The following CSMD1 variants were observed in gnomAD, a reference collection of about 807,000 sequenced individuals.
CSMD1 encodes the protein CUB and sushi domain-containing protein 1.
Under a neutral mutation model 417.5 loss-of-function variants are expected in CSMD1, and 213 were observed. The observed-to-expected ratio is 0.51, with a 90% CI of 0.46 to 0.57. CSMD1 has a LOEUF of 0.57. Ranked by LOEUF, CSMD1 falls within the 20% of genes least tolerant of loss-of-function variation. The pLI is 0.00. For missense variants in CSMD1, 6,923 were observed against 4,529.7 expected (o/e 1.53, Z -15.17); for synonymous variants, 2,862 against 1,736.8 (o/e 1.65, Z -16.11).
chr8:3,618,194 T>G (rs111493862), intron 7 of CSMD1, among the ~76,000 whole-genome samples: 25 of 152,218 alleles, frequency 1.6e-4, no homozygotes, highest in African/African-American at 5.8e-4. Flanking sequence ...TTTCTAGAGA[T>G]GGAGTCTCAC....
At chr8:3,800,080 G>A (rs185146341) in intron 5 of CSMD1, among the ~76,000 whole-genome samples, 3 of 152,236 alleles carry the variant, frequency 2.0e-5, no homozygotes, top group African/African-American at 7.2e-5. Flanking sequence ...TGCAGTTGAT[G>A]CTACAGGCTT....
In CSMD1 at chr8:3,889,551, ATG is replaced by A. The variant is rs547131931; in HGVS notation, c.818+108350_818+108351del. Among the ~76,000 whole-genome samples the A allele has an allele frequency of 2.4e-3, 207 of 86,380 alleles. 4 individuals carry two copies. Among genetic ancestry groups the A allele is most frequent in the African/African-American group, 6.0e-3 (194 of 32,152 alleles). 56.7% of individuals were successfully genotyped at this position (86,380 alleles called of 152,430 possible). On this transcript the variant is annotated intron_variant, in intron 5 of 69. Transcript: ENST00000635120. ...TATATACATACACACATATGTGTATATGTGTGTCTGTGTGTGTGTATGTGTAT... is the reference window on the plus strand; with the variant it reads ...TATATACATACACACATATGTGTATATGTGTCTGTGTGTGTGTATGTGTAT...
Position 3,932,045 on chromosome 8 carries a change from A to G in CSMD1, c.818+65858T>C, listed in dbSNP as rs1019280529. Reference sequence around the variant, plus strand: ...ATTTTGTGACTTCAGTTCTAATTTCATCAGAGAGTAGGATTCAATATAAAC... The same window carrying G: ...ATTTTGTGACTTCAGTTCTAATTTCGTCAGAGAGTAGGATTCAATATAAAC... On this transcript the variant is annotated intron_variant, in intron 5 of 69. Transcript: ENST00000635120. 4.0e-5 allele frequency among the ~76,000 whole-genome samples: 6 copies of G among 150,532 alleles called. 2 individuals carry two copies. Among genetic ancestry groups the G allele is most frequent in the Non-Finnish European group, 8.9e-5 (6 of 67,540 alleles).
chr8:4,826,879 G>C (rs1315704925), intron 1 of CSMD1, among the ~76,000 whole-genome samples: 2 of 149,302 alleles, frequency 1.3e-5, no homozygotes, highest in Non-Finnish European at 3.0e-5. Context: ...ACTAGATTTA[G>C]AGTGATTATT....
chr8:4,732,759 A>C (rs1211570921), intron 1 of CSMD1, among the ~76,000 whole-genome samples: 4 of 152,170 alleles, frequency 2.6e-5, no homozygotes, highest in Non-Finnish European at 5.9e-5. Flanking sequence ...CTAAGCAGGC[A>C]TTTTATAGCT....
rs970704693 is a variant in CSMD1, at chr8:4,033,720, T to C, written c.416-1621A>G. ...AAATATTTTACACAGTTTGACTCTT[T>C]TCATTGACAATTTCAATAATGGGGT... On this transcript the variant is annotated intron_variant, in intron 3 of 69. Coordinates refer to ENST00000635120, the MANE Select transcript of CSMD1 (RefSeq NM_033225.6). Among the ~76,000 whole-genome samples, 38 of 152,224 alleles carry C rather than the reference T, an allele frequency of 2.5e-4. 3 individuals are homozygous for C. Among genetic ancestry groups the C allele is most frequent in the Admixed American group, 1.8e-3 (28 of 15,284 alleles).
intron 5 of CSMD1, among the ~76,000 whole-genome samples, chr8:3,826,823 G>A (rs544316392): frequency 6.6e-6 from 1 of 152,204 alleles, no homozygotes; most frequent in Non-Finnish European, 1.5e-5. Context: ...GTCTCACTCT[G>A]TCATCTAGGC....
chr8:3,720,720 C>G (rs1802113186), intron 6 of CSMD1, among the ~76,000 whole-genome samples: 1 of 152,092 alleles, frequency 6.6e-6, no homozygotes, highest in African/African-American at 2.4e-5. Flanking sequence ...GGCATGTACT[C>G]TAAGCCCTGG....
At chr8:3,681,504 G>C (rs1585067097) in intron 7 of CSMD1, among the ~76,000 whole-genome samples, 1 of 152,096 alleles carries the variant, frequency 6.6e-6, no homozygotes, top group Admixed American at 6.6e-5. Context: ...ACCTCTTCAA[G>C]GAGAATTACA....
At chr8:4,674,159 G>A (rs1411435460) in intron 1 of CSMD1, among the ~76,000 whole-genome samples, 1 of 152,138 alleles carries the variant, frequency 6.6e-6, no homozygotes, top group African/African-American at 2.4e-5. Context: ...CATAGATGAG[G>A]TGGGAAAATC....
At chr8:3,903,513 T>C (rs1206104779) in intron 5 of CSMD1, among the ~76,000 whole-genome samples, 1 of 152,208 alleles carries the variant, frequency 6.6e-6, no homozygotes, top group Non-Finnish European at 1.5e-5. Flanking sequence ...GCTTCTCATA[T>C]ACAGATACAG....
chr8:3,162,155 A>T lies in CSMD1; in HGVS notation c.5844+4T>A. 1 of 1,576,782 alleles carries T rather than the reference A, an allele frequency of 6.3e-7. No individual in the cohort carries two copies. The highest frequency in any genetic ancestry group is 8.7e-7 in the Non-Finnish European group (1 of 1,152,388). ...TTATTCCTGAGCACTGAGAAGAAGG[A>T]TACCTGCAGGGTGTACCCGGGCTCG... On this transcript the variant is annotated splice_donor_region_variant and intron_variant, in intron 38 of 69. Coordinates refer to ENST00000635120, the MANE Select transcript of CSMD1 (RefSeq NM_033225.6).
chr8:3,035,396 A>G (rs1387146654), intron 50 of CSMD1, among the ~76,000 whole-genome samples: 3 of 152,178 alleles, frequency 2.0e-5, no homozygotes, highest in Non-Finnish European at 4.4e-5. Flanking sequence ...CAAGTTACAG[A>G]GGAGCAAGGA....
intron 10 of CSMD1, among the ~76,000 whole-genome samples, chr8:3,495,106 T>G (rs1288866320): frequency 6.6e-6 from 1 of 152,244 alleles, no homozygotes; most frequent in Non-Finnish European, 1.5e-5. Flanking sequence ...GAATACATTA[T>G]TTTAGCAATC....
chr8:3,976,311 A>C (rs898500416), intron 5 of CSMD1, among the ~76,000 whole-genome samples: 6 of 152,092 alleles, frequency 3.9e-5, no homozygotes, highest in African/African-American at 1.4e-4. Context: ...TTTTTTTCTC[A>C]TAGAGTCAAT....
chr8:4,537,483 T>C (rs188989748), intron 2 of CSMD1, among the ~76,000 whole-genome samples: 55 of 152,316 alleles, frequency 3.6e-4, no homozygotes, highest in Non-Finnish European at 6.0e-4. Flanking sequence ...CTAATAGTCA[T>C]ATATTCCAGA....
At chr8:4,360,229 T>G (rs1372064473) in intron 3 of CSMD1, among the ~76,000 whole-genome samples, 1 of 152,074 alleles carries the variant, frequency 6.6e-6, no homozygotes, top group Admixed American at 6.6e-5. Context: ...ACCCTTCTCA[T>G]CTAATGTTGA....
intron 2 of CSMD1, among the ~76,000 whole-genome samples, chr8:4,542,368 T>G (rs1797430991): frequency 6.6e-6 from 1 of 152,186 alleles, no homozygotes; most frequent in Non-Finnish European, 1.5e-5. Context: ...AAAAAAAAGT[T>G]TTAATTTTTA....
At chr8:3,581,575 G>C (rs187070102) in intron 9 of CSMD1, among the ~76,000 whole-genome samples, 177 of 152,276 alleles carry the variant, frequency 1.2e-3, no homozygotes, top group African/African-American at 4.1e-3. Flanking sequence ...TTACTTCAGA[G>C]TTACAGTCCC....
Sources: allele counts gnomAD v4.1 joint callset (sites outside exome capture counted in the v4.1 genomes callset), GRCh38; gene constraint gnomAD v4.1.1; transcripts MANE v1.5; gene names NCBI Gene and HGNC (gene_info 2026-07-23, HGNC 2026-07-21).